Variants in ROS1 observed in about 807,000 individuals in gnomAD.
The protein encoded by ROS1 is proto-oncogene tyrosine-protein kinase ROS.
In ROS1, 263 loss-of-function variants were observed where a neutral mutation model predicts 273.5. That is an observed-to-expected ratio of 0.96 (90% CI 0.87 to 1.06). The LOEUF is 1.06. Ranked by LOEUF, ROS1 falls within the 50% of genes least tolerant of loss-of-function variation. The pLI is 0.00. For synonymous variants in ROS1, 1,008 were observed against 954.1 expected, an observed-to-expected ratio of 1.06 and a Z score of -1.04; for missense variants, 2,833 against 2,751.1, an observed-to-expected ratio of 1.03 and a Z score of -0.67.
chr6:117,423,160 G>T (rs1377319126), intron 1 of ROS1, among the ~76,000 whole-genome samples: 2 of 152,134 alleles, frequency 1.3e-5, no homozygotes, highest in East Asian at 3.8e-4. Context: ...GGACTTAGGG[G>T]AAAGAGTGGG....
At position 117,298,221 on chromosome 6, in the gene ROS1, G is replaced by A. The variant is rs79743723; in HGVS notation, c.6715+2753C>T. ...GACAATGAAAACTTGAAAGGGTAAGGGTGTGGGAGAGTGAATAAGAAATTA... is the reference window on the plus strand; with the variant it reads ...GACAATGAAAACTTGAAAGGGTAAGAGTGTGGGAGAGTGAATAAGAAATTA... On this transcript the variant is annotated intron_variant, in intron 43 of 43. Transcript: ENST00000368507. 3.2e-3 allele frequency among the ~76,000 whole-genome samples: 481 copies of A among 152,188 alleles called. 2 individuals are homozygous for A. Among genetic ancestry groups the A allele is most frequent in the African/African-American group, 0.011 (451 of 41,530 alleles).
rs761671299 is a variant in ROS1 at position 117,359,841 on chromosome 6, G to A, written c.3601C>T (p.Leu1201Phe). 3 of 1,613,952 alleles carry A rather than the reference G, an allele frequency of 1.9e-6. No homozygotes were observed. Among genetic ancestry groups the A allele is most frequent in the Non-Finnish European group, 2.5e-6 (3 of 1,179,890 alleles). ...GYYAEGDSLF[L>F]LHLHNRSSSE... is the part of the protein sequence containing the mutation. ...CTAGAGCGATTGTGCAAGTGCAGAA[G>A]AAAGAGTGAGTCCCCTTCAGCATAA... The change falls in exon 24 of 44, where the codon CTT becomes TTT. Residue 1201 changes from leucine to phenylalanine, a missense_variant. Leu to Phe is a conservative substitution (Grantham distance 22, BLOSUM62 0). Transcript: ENST00000368507.
intron 4 of ROS1, among the ~76,000 whole-genome samples, chr6:117,410,898 G>A (rs925322326): frequency 2.0e-5 from 3 of 152,068 alleles, no homozygotes; most frequent in Non-Finnish European, 4.4e-5. Flanking sequence ...TTTAGTATAC[G>A]TTTCGCATCC....
intron 12 of ROS1, among the ~76,000 whole-genome samples, chr6:117,392,960 A>G: frequency 6.6e-6 from 1 of 152,202 alleles, no homozygotes; most frequent in South Asian, 2.1e-4. Flanking sequence ...CCTGACTCCC[A>G]GACAGGAGGT....
At chr6:117,387,504 C>T (rs999448451) in intron 14 of ROS1, among the ~76,000 whole-genome samples, 3 of 152,022 alleles carry the variant, frequency 2.0e-5, no homozygotes, top group Non-Finnish European at 4.4e-5. Context: ...AGAAGAAACC[C>T]GTAAAGAATC....
chr6:117,352,132 G>C (rs1191403944), intron 27 of ROS1, among the ~76,000 whole-genome samples: 1 of 152,122 alleles, frequency 6.6e-6, no homozygotes, highest in Admixed American at 6.5e-5. Context: ...CCAGGCTGGA[G>C]AGCAGTGGCG....
At chr6:117,401,813 A>AC (rs1266914633) in intron 7 of ROS1, among the ~76,000 whole-genome samples, 1 of 151,256 alleles carries the variant, frequency 6.6e-6, no homozygotes, top group East Asian at 1.9e-4. Context: ...TAAAAAAAAA[A>AC]AAAAAAAAAA....
rs1203305316 is a variant in ROS1 at position 117,389,590 on chromosome 6, T to C, written c.1546A>G (p.Asn516Asp). The stretch of plus-strand genomic sequence containing the variant: ...TTGCCATCTGTGACAAGAAAGTCAT[T>C]GTTTTCACAAGCAAAACTTTTCACA... The part of the protein sequence containing the change: ...ADVKSFACEN[N>D]DFLVTDGKVI... Residue 516 changes from asparagine to aspartate, a missense_variant, in exon 13 of 44, where the codon AAT (asparagine) becomes GAT (aspartate). Asn to Asp is a conservative substitution (Grantham distance 23). Coordinates refer to ENST00000368507, the MANE Select transcript of ROS1 (RefSeq NM_001378902.1). 3.7e-6 allele frequency: 6 copies of C among 1,614,108 alleles called. No individual in the cohort carries two copies. The highest frequency in any genetic ancestry group is 5.1e-6 in the Non-Finnish European group (6 of 1,180,054).
intron 43 of ROS1, among the ~76,000 whole-genome samples, chr6:117,289,660 G>A (rs2128522205): frequency 6.6e-6 from 1 of 152,240 alleles, no homozygotes; most frequent in South Asian, 2.1e-4. Context: ...AGGTTCACAG[G>A]CTCTTTGGTA....
Position 117,324,304 on chromosome 6 carries a change from C to T in ROS1, c.5623+28G>A, listed in dbSNP as rs757310332. 3.4e-5 allele frequency: 36 copies of T among 1,043,542 alleles called. No homozygotes were observed. In the Admixed American group the frequency reaches 4.6e-4, roughly 13 times the overall value. The allele number at this position is 1,043,542 out of a possible 1,614,324, so 64.6% of individuals were successfully genotyped here. A position where few individuals can be genotyped will look rare whatever the true frequency, so the allele number is the denominator to read the frequency against. ...GTATGATTAAGTAAACAGTTTGTTG[C>T]CTATTTTAAAAATTCTATTATACTT... is the stretch of plus-strand genomic sequence containing the variant. On this transcript the variant is annotated intron_variant, in intron 35 of 43. Coordinates refer to ENST00000368507, the MANE Select transcript of ROS1 (RefSeq NM_001378902.1).
Position 117,288,622 on chromosome 6 carries a change from T to C in ROS1, c.6896A>G (p.Glu2299Gly), listed in dbSNP as rs1773598163. 6.2e-7 allele frequency: 1 copy of C among 1,614,074 alleles called. No individual in the cohort carries two copies. The highest frequency in any genetic ancestry group is 1.1e-5 in the South Asian group (1 of 91,090). The change falls in exon 44 of 44, where the codon GAA (glutamate) becomes GGA (glycine). Residue 2299 changes from glutamate (E) to glycine (G), a missense_variant. Transcript: ENST00000368507. ...TTTGTCTGCATGTGGTTCCTTCTCTTCTTTCCTCAGACCACAAGATTCAGA... is the reference window on the plus strand; with the variant it reads ...TTTGTCTGCATGTGGTTCCTTCTCTCCTTTCCTCAGACCACAAGATTCAGA... ...QESESCGLRK[E>G]EKEPHADKDF...
At chr6:117,395,089 G>C (rs76306806) in intron 9 of ROS1, among the ~76,000 whole-genome samples, 1 of 152,150 alleles carries the variant, frequency 6.6e-6, no homozygotes, top group Non-Finnish European at 1.5e-5. Context: ...CCCCAGGCCA[G>C]AGTGGGTTAT....
At chr6:117,289,504 C>A (rs1048123230) in intron 43 of ROS1, among the ~76,000 whole-genome samples, 1 of 152,160 alleles carries the variant, frequency 6.6e-6, no homozygotes, top group African/African-American at 2.4e-5. Context: ...TTTAATGGAT[C>A]TACCTATTTA....
chr6:117,310,020 T>C, intron 41 of ROS1, 61 bp downstream of exon 41: 1 of 1,428,914 alleles, frequency 7.0e-7, no homozygotes, highest in Non-Finnish European at 9.8e-7. Flanking sequence ...GATGTCCTTT[T>C]AAAATCCCCT....
intron 34 of ROS1, among the ~76,000 whole-genome samples, chr6:117,325,603 C>T (rs117307547): frequency 5.2e-4 from 79 of 152,052 alleles, no homozygotes; most frequent in African/African-American, 1.7e-3. Flanking sequence ...CAGCAGTATG[C>T]GTAAGTCAAG....
chr6:117,337,435 TA>T, intron 31 of ROS1, 95 bp from the exon 32 acceptor site: 1 of 895,376 alleles, frequency 1.1e-6, no homozygotes, highest in Non-Finnish European at 1.7e-6. Flanking sequence ...GGTTAAAATT[TA>T]AGCATTCTTT....
chr6:117,364,181 G>C (rs1327745103), intron 21 of ROS1, among the ~76,000 whole-genome samples: 1 of 152,144 alleles, frequency 6.6e-6, no homozygotes, highest in Non-Finnish European at 1.5e-5. Context: ...AACCTGCCCA[G>C]GCCCCACTAT....
chr6:117,314,324 G>A lies in ROS1; in HGVS notation c.6117+2819C>T, dbSNP rs549451058. 8.5e-5 allele frequency among the ~76,000 whole-genome samples: 13 copies of A among 152,160 alleles called. No homozygotes were observed. The East Asian group carries it at 2.5e-3, about 29-fold the overall frequency. On this transcript the variant is annotated intron_variant, in intron 39 of 43. Coordinates refer to ENST00000368507, the MANE Select transcript of ROS1 (RefSeq NM_001378902.1). Reference sequence around the variant, plus strand: ...AAGAGGGAAAGCAGATGGAGGAGTGGTAATTTAGCAGAGCCAAGAGAGATG... The same window carrying A: ...AAGAGGGAAAGCAGATGGAGGAGTGATAATTTAGCAGAGCCAAGAGAGATG...
At chr6:117,363,013 C>T (rs1298257310) in intron 21 of ROS1, 148 bp from the exon 22 acceptor site, 1 of 731,964 alleles carries the variant, frequency 1.4e-6, no homozygotes, top group African/African-American at 1.8e-5. Context: ...TCTTAAAGAT[C>T]TTCAGGAGAG....
Sources: allele counts gnomAD v4.1 joint callset (sites outside exome capture counted in the v4.1 genomes callset), GRCh38; gene constraint gnomAD v4.1.1; transcripts MANE v1.5; gene names NCBI Gene and HGNC (gene_info 2026-07-23, HGNC 2026-07-21).